Variants in DEFB116 observed in about 807,000 individuals in gnomAD.
The protein encoded by DEFB116 is defensin beta 116.
In DEFB116, 5 loss-of-function variants were observed where a neutral mutation model predicts 2.8. That is an observed-to-expected ratio of 1.80 (90% confidence interval 0.94 to 3.79). The LOEUF (loss-of-function observed/expected upper bound fraction) is 3.79, where lower values mean the gene tolerates loss of function less well. Among genes scored for constraint, DEFB116 ranks in the 30% most tolerant of loss-of-function variants. DEFB116 has a pLI of 0.00. For synonymous variants in DEFB116, 56 were observed against 40.8 expected, an observed-to-expected ratio of 1.37 and a Z score of -1.42; for missense variants, 170 against 118.0, an observed-to-expected ratio of 1.44 and a Z score of -2.04.
intron 1 of DEFB116, among the ~76,000 whole-genome samples, chr20:31,305,375 G>T (rs6061161): frequency 6.6e-6 from 1 of 152,000 alleles, no homozygotes; most frequent in African/African-American, 2.4e-5. Context: ...GTCACTGGAG[G>T]GATGGATAGA....
At chr20:31,307,676 A>T (rs1985023049) in intron 1 of DEFB116, among the ~76,000 whole-genome samples, 1 of 152,054 alleles carries the variant, frequency 6.6e-6, no homozygotes, top group African/African-American at 2.4e-5. Flanking sequence ...TCTGAGAAGG[A>T]GTCAATATTC....
At chr20:31,307,103 C>T (rs1203030886) in intron 1 of DEFB116, among the ~76,000 whole-genome samples, 3 of 152,122 alleles carry the variant, frequency 2.0e-5, no homozygotes, top group South Asian at 2.1e-4. Flanking sequence ...GCATACATTA[C>T]ACCCATGAAA....
chr20:31,306,582 G>A (rs1984994621), intron 1 of DEFB116, among the ~76,000 whole-genome samples: 1 of 152,004 alleles, frequency 6.6e-6, no homozygotes, highest in African/African-American at 2.4e-5. Flanking sequence ...GCTTTACTGA[G>A]CATGAGAACA....
intron 1 of DEFB116, among the ~76,000 whole-genome samples, chr20:31,307,678 T>C (rs1394333023): frequency 6.8e-6 from 1 of 147,966 alleles, no homozygotes; most frequent in Non-Finnish European, 1.5e-5. Context: ...TGAGAAGGAG[T>C]CAATATTCTC....
intron 1 of DEFB116, 120 bp from the exon 2 acceptor site, chr20:31,303,573 C>T: frequency 2.2e-6 from 3 of 1,391,426 alleles, no homozygotes; most frequent in Non-Finnish European, 2.9e-6. Flanking sequence ...TCAAAACTAC[C>T]TAGATTCAAA....
intron 1 of DEFB116, among the ~76,000 whole-genome samples, chr20:31,304,869 G>A (rs1186515304): frequency 5.3e-5 from 8 of 152,036 alleles, no homozygotes; most frequent in East Asian, 1.9e-4. Flanking sequence ...CAAGTATAAT[G>A]TTATTTCTTG....
At position 31,303,321 on chromosome 20, in the gene DEFB116, C is replaced by A; in HGVS notation, c.200G>T (p.Cys67Phe). Residue 67 changes from cysteine (C) to phenylalanine (F), a missense_variant, in exon 2 of 2, where the codon TGC (cysteine) becomes TTC (phenylalanine). Coordinates refer to ENST00000400549, the MANE Select transcript of DEFB116 (RefSeq NM_001037731.1). ...TATTTTCACAGAAAGTTTCAGGCAG[C>A]ACTTTTGATCATTTGGGCAGGTTAA... ...QYLTCPNDQK[C>F]CLKLSVKITS... 2 of 1,613,606 alleles carry A rather than the reference C, an allele frequency of 1.2e-6. No individual in the cohort carries two copies. Among genetic ancestry groups the A allele is most frequent in the Non-Finnish European group, 1.7e-6 (2 of 1,179,608 alleles).
chr20:31,304,560 T>C (rs541533739), intron 1 of DEFB116, among the ~76,000 whole-genome samples: 4 of 152,236 alleles, frequency 2.6e-5, no homozygotes, highest in Non-Finnish European at 5.9e-5. Flanking sequence ...ATTTCTGGTC[T>C]ACATGACATC....
chr20:31,303,890 C>G (rs1180440269), intron 1 of DEFB116, among the ~76,000 whole-genome samples: 1 of 152,104 alleles, frequency 6.6e-6, no homozygotes, highest in African/African-American at 2.4e-5. Flanking sequence ...CACAGCTAAT[C>G]AGAGGCAGCC....
intron 1 of DEFB116, among the ~76,000 whole-genome samples, chr20:31,306,944 T>C (rs530765333): frequency 6.6e-6 from 1 of 152,242 alleles, no homozygotes; most frequent in Non-Finnish European, 1.5e-5. Flanking sequence ...CTTAAGAAAC[T>C]TTCTTCAGAA....
At chr20:31,308,149 T>G (rs764857634) in intron 1 of DEFB116, among the ~76,000 whole-genome samples, 4 of 151,994 alleles carry the variant, frequency 2.6e-5, no homozygotes, top group African/African-American at 4.8e-5. Context: ...TCTTACAACC[T>G]CCCCACCTCA....
At position 31,303,456 on chromosome 20, in the gene DEFB116, G is replaced by T. The variant is rs1305374699; in HGVS notation, c.68-3C>A. 5 of 1,612,862 alleles carry T rather than the reference G, an allele frequency of 3.1e-6. No homozygotes were observed. Among genetic ancestry groups the T allele is most frequent in the African/African-American group, 2.7e-5 (2 of 74,922 alleles). ...ATTGTGGGATCTGAACAGGCCACCT[G>T]GGAAAGACATGGCCATGTTTAGTTT... is the stretch of plus-strand genomic sequence containing the variant. On this transcript the variant is annotated splice_polypyrimidine_tract_variant and splice_region_variant and intron_variant, in intron 1 of 1. Transcript: ENST00000400549.
chr20:31,306,524 C>T (rs1258863134), intron 1 of DEFB116, among the ~76,000 whole-genome samples: 1 of 152,058 alleles, frequency 6.6e-6, no homozygotes, highest in African/African-American at 2.4e-5. Flanking sequence ...GTTTGTGTTT[C>T]TTGCAAACCC....
At chr20:31,307,174 A>T (rs1985009474) in intron 1 of DEFB116, among the ~76,000 whole-genome samples, 1 of 152,048 alleles carries the variant, frequency 6.6e-6, no homozygotes, top group Non-Finnish European at 1.5e-5. Flanking sequence ...CCACCATCTT[A>T]TTTATTATTT....
In DEFB116 at chr20:31,308,444, G is replaced by C. The variant is rs554889791; in HGVS notation, c.67+75C>G. ...GGTGTTGCCCACTATATGTGAGTAG[G>C]AGTCACTGCAGAGGTCACCAAGATA... On this transcript the variant is annotated intron_variant, in intron 1 of 1. Transcript: ENST00000400549. 5 of 1,443,786 alleles carry C rather than the reference G, an allele frequency of 3.5e-6. No individual in the cohort carries two copies. The South Asian group carries it at 4.6e-5, about 13-fold the overall frequency. 89.4% of individuals were successfully genotyped at this position (1,443,786 alleles called of 1,614,324 possible). A position where few individuals can be genotyped will look rare whatever the true frequency, so the allele number is the denominator to read the frequency against.
chr20:31,306,032 C>G (rs548959644), intron 1 of DEFB116, among the ~76,000 whole-genome samples: 1 of 152,092 alleles, frequency 6.6e-6, no homozygotes, highest in South Asian at 2.1e-4. Context: ...GTATTGAAAG[C>G]AAATTAAACT....
At chr20:31,306,137 G>T (rs557016018) in intron 1 of DEFB116, among the ~76,000 whole-genome samples, 4 of 152,176 alleles carry the variant, frequency 2.6e-5, no homozygotes, top group South Asian at 2.1e-4. Flanking sequence ...TCTGCCTGCT[G>T]TGCAACCAAA....
intron 1 of DEFB116, among the ~76,000 whole-genome samples, chr20:31,306,585 T>C (rs530622541): frequency 3.3e-5 from 5 of 151,882 alleles, no homozygotes; most frequent in Admixed American, 2.0e-4. Flanking sequence ...TTACTGAGCA[T>C]GAGAACAAAT....
intron 1 of DEFB116, among the ~76,000 whole-genome samples, chr20:31,306,368 T>A (rs1266357757): frequency 6.6e-6 from 1 of 152,122 alleles, no homozygotes; most frequent in Non-Finnish European, 1.5e-5. Flanking sequence ...AAAGGAAAAA[T>A]TTGTTTGGAT....
Sources: allele counts gnomAD v4.1 joint callset (sites outside exome capture counted in the v4.1 genomes callset), GRCh38; gene constraint gnomAD v4.1.1; transcripts MANE v1.5; gene names NCBI Gene and HGNC (gene_info 2026-07-23, HGNC 2026-07-21).